CTSE: variants seen among roughly 807,000 people sequenced by gnomAD.
The protein encoded by CTSE is cathepsin E, also known as erythrocyte membrane aspartic proteinase.
A neutral mutation model predicts 42.8 loss-of-function variants in CTSE; 43 were observed. The ratio of observed to expected loss-of-function variants is 1.01; its 90% CI spans 0.79 to 1.30. The LOEUF is 1.30. Among genes scored for constraint, CTSE ranks in the 50% most tolerant of loss-of-function variants. The pLI is 0.00. For missense variants in CTSE, 532 were observed against 493.5 expected (o/e 1.08, Z -0.74); for synonymous variants, 205 against 191.5 (o/e 1.07, Z -0.58).
chr1:206,014,148 G>A (rs1553277495), intron 5 of CTSE: 1 of 416,032 alleles, frequency 2.4e-6, no homozygotes, highest in Admixed American at 3.9e-5. Flanking sequence ...AGGTTAAGGA[G>A]GTGGGAAATG....
intron 6 of CTSE, among the ~76,000 whole-genome samples, chr1:206,013,456 T>G (rs1017760035): frequency 3.9e-5 from 6 of 152,090 alleles, no homozygotes; most frequent in Admixed American, 6.5e-5. Context: ...CCAATTCACC[T>G]GTGCAACCCC....
chr1:206,023,168 G>GGGGGGGGGGCC, intron 1 of CTSE, 111 bp from the exon 2 acceptor site: 1 of 433,980 alleles, frequency 2.3e-6, no homozygotes. Flanking sequence ...GGGAGGGGGG[G>GGGGGGGGGGCC]ATCTGCAAGA....
chr1:206,010,278 G>T lies in CTSE; in HGVS notation c.1096C>A (p.Pro366Thr). Residue 366 changes from proline (P) to threonine (T), a missense_variant, in exon 9 of 9, where the codon CCC (proline) becomes ACC (threonine). Physicochemically the swap from Pro to Thr is conservative, Grantham distance 38. Transcript: ENST00000358184. ...QGLDIHPPAGPLWILGDVFIR... is the reference protein window; with the variant it reads ...QGLDIHPPAGTLWILGDVFIR... ...AAGACATCCCCCAGGATCCAGAGGGGCCCAGCTGGAGGGTGGATGTCAAGT... is the reference window on the plus strand; with the variant it reads ...AAGACATCCCCCAGGATCCAGAGGGTCCCAGCTGGAGGGTGGATGTCAAGT... 1 of 1,613,780 alleles carries T rather than the reference G, an allele frequency of 6.2e-7. No individual in the cohort carries two copies. The highest frequency in any genetic ancestry group is 8.5e-7 in the Non-Finnish European group (1 of 1,179,800).
intron 4 of CTSE, 44 bp from the exon 5 acceptor site, chr1:206,016,174 G>T: frequency 6.3e-7 from 1 of 1,576,310 alleles, no homozygotes; most frequent in South Asian, 1.1e-5. Flanking sequence ...ATGGCACAGG[G>T]GATTGCTGGC....
chr1:206,016,875 A>G (rs1399318406), intron 4 of CTSE, among the ~76,000 whole-genome samples: 1 of 152,132 alleles, frequency 6.6e-6, no homozygotes, highest in Non-Finnish European at 1.5e-5. Context: ...CTTCAGCAAG[A>G]TTGTATTGGT....
intron 4 of CTSE, among the ~76,000 whole-genome samples, chr1:206,016,859 G>A (rs1553277786): frequency 6.6e-6 from 1 of 151,978 alleles, no homozygotes; most frequent in African/African-American, 2.4e-5. Context: ...ATTTACCAGT[G>A]TTTTTCTTCA....
intron 4 of CTSE, among the ~76,000 whole-genome samples, chr1:206,017,431 A>G (rs1027907128): frequency 1.3e-5 from 2 of 152,078 alleles, no homozygotes; most frequent in East Asian, 3.8e-4. Context: ...AAAATTTGAA[A>G]TCTAAAAGGC....
intron 5 of CTSE, chr1:206,014,196 C>A (rs1367597508): frequency 5.9e-6 from 2 of 336,772 alleles, no homozygotes; most frequent in East Asian, 1.2e-4. Flanking sequence ...AAGGCCAGGA[C>A]CATCCTGGGT....
rs201012612 is a variant in CTSE, at chr1:206,012,382, T to A, written c.952A>T (p.Asn318Tyr). ...GEYAVECANL[N>Y]VMPDVTFTIN... ...GTGAAGGTGACATCCGGCATGACGT[T>A]AAGGTTGGCACACTCCACAGCATAC... Residue 318 changes from asparagine to tyrosine, a missense_variant, in exon 8 of 9, where the codon AAC becomes TAC. By Grantham distance (143) the Asn-to-Tyr change is moderately radical. Coordinates refer to ENST00000358184, the MANE Select transcript of CTSE (RefSeq NM_001910.4). 2.8e-5 allele frequency: 45 copies of A among 1,613,774 alleles called. No individual in the cohort carries two copies. The highest frequency in any genetic ancestry group is 3.7e-5 in the Non-Finnish European group (44 of 1,179,904).
chr1:206,013,618 C>T (rs1339251746), intron 6 of CTSE, among the ~76,000 whole-genome samples, 154 bp downstream of exon 6: 2 of 152,056 alleles, frequency 1.3e-5, no homozygotes, highest in East Asian at 3.9e-4. Flanking sequence ...GAGGTCCCTT[C>T]CTGCACACTT....
At chr1:206,023,620 T>G in intron 1 of CTSE, 104 bp downstream of exon 1, 1 of 1,087,020 alleles carries the variant, frequency 9.2e-7, no homozygotes, top group Non-Finnish European at 1.4e-6. Context: ...GCCCTCAGCT[T>G]CTCCTCCTCT....
chr1:206,017,396 T>A (rs1288314994), intron 4 of CTSE, among the ~76,000 whole-genome samples: 1 of 152,076 alleles, frequency 6.6e-6, no homozygotes, highest in Non-Finnish European at 1.5e-5. Flanking sequence ...CTGGTAAGTA[T>A]AATGCAAATA....
chr1:206,010,291 G>A lies in CTSE; in HGVS notation c.1083C>T (p.His361=), dbSNP rs1661054770. Residue 361 remains histidine (H), a synonymous_variant, in exon 9 of 9, where the codon CAC becomes CAT. Coordinates refer to ENST00000358184, the MANE Select transcript of CTSE (RefSeq NM_001910.4). ...CSSGFQGLDI[H]PPAGPLWILG... ...GGATCCAGAGGGGCCCAGCTGGAGG[G>A]TGGATGTCAAGTCCTTGAAAGCCAC... is the stretch of plus-strand genomic sequence containing the variant. The A allele has an allele frequency of 3.7e-6, 6 of 1,613,808 alleles. No individual in the cohort carries two copies. Among genetic ancestry groups the A allele is most frequent in the East Asian group, 4.5e-5 (2 of 44,886 alleles).
intron 5 of CTSE, 199 bp from the exon 6 acceptor site, chr1:206,014,093 C>T (rs1661197402): frequency 5.0e-6 from 3 of 595,194 alleles, no homozygotes; most frequent in East Asian, 5.5e-5. Context: ...TTAGAAACAA[C>T]TCCCCTTGAC....
At chr1:206,014,062 CT>C in intron 5 of CTSE, 168 bp from the exon 6 acceptor site, 1 of 696,852 alleles carries the variant, frequency 1.4e-6, no homozygotes, top group South Asian at 1.8e-5. Context: ...GTGAATTGGT[CT>C]GGGCCTTTTT....
intron 4 of CTSE, among the ~76,000 whole-genome samples, chr1:206,017,677 A>G: frequency 6.6e-6 from 1 of 151,880 alleles, no homozygotes; most frequent in South Asian, 2.1e-4. Context: ...TTTAGTAGAG[A>G]AATGTTGGTC....
At chr1:206,017,123 T>C (rs368553491) in intron 4 of CTSE, among the ~76,000 whole-genome samples, 3 of 152,138 alleles carry the variant, frequency 2.0e-5, no homozygotes, top group African/African-American at 7.2e-5. Context: ...TTAGTAATGT[T>C]TGCTATTATC....
Position 206,012,464 on chromosome 1 carries a change from G to C in CTSE, c.927+44C>G, listed in dbSNP as rs1553277136. The C allele has an allele frequency of 1.9e-6, 3 of 1,613,714 alleles. No homozygotes were observed. The African/African-American group carries it at 4.0e-5, about 22-fold the overall frequency. ...CTTGCCACCTCCCAAGAGAAGGCCT[G>C]GCTCTCCTGTCCCCACCACTCCCTT... On this transcript the variant is annotated intron_variant, in intron 7 of 8. Coordinates refer to ENST00000358184, the MANE Select transcript of CTSE (RefSeq NM_001910.4).
intron 8 of CTSE, among the ~76,000 whole-genome samples, chr1:206,011,487 C>T (rs945754963): frequency 1.8e-4 from 28 of 152,034 alleles, no homozygotes; most frequent in Non-Finnish European, 1.3e-4. Flanking sequence ...AGAGTGGCAG[C>T]TCCATAATCC....
Sources: gnomAD v4.1 joint callset for allele counts (sites outside exome capture counted in the v4.1 genomes callset) on GRCh38, gnomAD v4.1.1 for gene constraint, MANE v1.5 for transcripts, NCBI Gene and HGNC (gene_info 2026-07-23, HGNC 2026-07-21) for gene names.